Variants in CNTLN observed in about 807,000 individuals in gnomAD.
CNTLN encodes centlein, centrosomal protein.
Under a neutral mutation model 180.0 loss-of-function variants are expected in CNTLN, and 212 were observed. That is an observed-to-expected ratio of 1.18 (90% CI 1.05 to 1.32). The LOEUF is 1.32. Among genes scored for constraint, CNTLN ranks in the 40% most tolerant of loss-of-function variants. The pLI, the probability that CNTLN is intolerant of heterozygous loss-of-function variation, is 0.00. For missense variants in CNTLN, 2,095 were observed against 1,610.9 expected (o/e 1.30, Z -5.14); for synonymous variants, 722 against 563.1 (o/e 1.28, Z -3.99).
intron 2 of CNTLN, 25 bp from the exon 3 acceptor site, chr9:17,226,178 T>A: frequency 7.8e-7 from 1 of 1,285,098 alleles, no homozygotes; most frequent in Non-Finnish European, 1.1e-6. Flanking sequence ...TTATGACTAA[T>A]AAACTCTCTA....
In CNTLN at chr9:17,311,645, C is replaced by T. The variant is rs530526094; in HGVS notation, c.1341+2393C>T. 2.6e-5 allele frequency among the ~76,000 whole-genome samples: 4 copies of T among 151,744 alleles called. No individual in the cohort carries two copies. The South Asian group carries it at 8.3e-4, about 32-fold the overall frequency. ...CAACCTGGTGAAAGCCCTTCCTCTACTAGAAATACAAAAATTAGCTGGGCA... is the reference window on the plus strand; with the variant it reads ...CAACCTGGTGAAAGCCCTTCCTCTATTAGAAATACAAAAATTAGCTGGGCA... On this transcript the variant is annotated intron_variant, in intron 8 of 25. Coordinates refer to ENST00000380647, the MANE Select transcript of CNTLN (RefSeq NM_017738.4).
chr9:17,219,918 G>C (rs1824017701), intron 2 of CNTLN, among the ~76,000 whole-genome samples: 1 of 151,446 alleles, frequency 6.6e-6, no homozygotes, highest in Admixed American at 6.6e-5. Context: ...CTCTCATTAA[G>C]GTGCTACTCC....
intron 2 of CNTLN, among the ~76,000 whole-genome samples, chr9:17,211,901 A>G (rs1231141679): frequency 1.3e-5 from 2 of 152,050 alleles, no homozygotes; most frequent in African/African-American, 4.8e-5. Flanking sequence ...TTGCACATTG[A>G]TTTTGTATCC....
chr9:17,316,664 T>C (rs1819558226), intron 8 of CNTLN, among the ~76,000 whole-genome samples: 1 of 152,138 alleles, frequency 6.6e-6, no homozygotes, highest in Non-Finnish European at 1.5e-5. Flanking sequence ...TAAGGTAAGA[T>C]ATAAATCTGC....
chr9:17,239,866 T>C (rs1050005609), intron 5 of CNTLN, among the ~76,000 whole-genome samples: 6 of 152,222 alleles, frequency 3.9e-5, no homozygotes, highest in African/African-American at 1.4e-4. Context: ...TCTTGGATGT[T>C]GCAGATTTGT....
chr9:17,461,813 C>T (rs897709265), intron 19 of CNTLN, among the ~76,000 whole-genome samples: 2 of 151,434 alleles, frequency 1.3e-5, no homozygotes, highest in South Asian at 4.2e-4. Flanking sequence ...AGTATGTCAA[C>T]ACTATCTTGA....
chr9:17,373,995 C>A (rs1304719985), intron 13 of CNTLN, among the ~76,000 whole-genome samples: 1 of 152,118 alleles, frequency 6.6e-6, no homozygotes, highest in Non-Finnish European at 1.5e-5. Context: ...AATCTCAGAC[C>A]TCAAACTATG....
chr9:17,282,182 C>T (rs1414615480), intron 6 of CNTLN, among the ~76,000 whole-genome samples: 4 of 152,018 alleles, frequency 2.6e-5, no homozygotes, highest in South Asian at 2.1e-4. Context: ...AGGATGGTCT[C>T]GATCTGTTGA....
intron 23 of CNTLN, among the ~76,000 whole-genome samples, chr9:17,483,404 A>G (rs955697117): frequency 1.3e-5 from 2 of 152,202 alleles, no homozygotes; most frequent in Non-Finnish European, 2.9e-5. Context: ...GAATTAAGTA[A>G]CAGCTGTCAA....
intron 2 of CNTLN, among the ~76,000 whole-genome samples, chr9:17,146,403 A>G (rs1271976369): frequency 6.6e-6 from 1 of 152,000 alleles, no homozygotes; most frequent in Non-Finnish European, 1.5e-5. Flanking sequence ...CTATGATCTG[A>G]ATGTTGGTGT....
intron 1 of CNTLN, among the ~76,000 whole-genome samples, chr9:17,135,885 T>C (rs1817680419): frequency 6.6e-6 from 1 of 152,194 alleles, no homozygotes; most frequent in South Asian, 2.1e-4. Context: ...CTTGGCTTTG[T>C]TTTTACCCAG....
intron 15 of CNTLN, among the ~76,000 whole-genome samples, chr9:17,397,570 G>A (rs927519740): frequency 6.6e-6 from 1 of 152,130 alleles, no homozygotes; most frequent in Non-Finnish European, 1.5e-5. Context: ...TTTACTGCAG[G>A]CTGTTTCATC....
rs567414179 is a variant in CNTLN at position 17,291,151 on chromosome 9, C to T, written c.984-7039C>T. Among the ~76,000 whole-genome samples the T allele has an allele frequency of 2.2e-4, 33 of 152,194 alleles. No individual in the cohort carries two copies. The South Asian group carries it at 2.7e-3, about 12-fold the overall frequency. On this transcript the variant is annotated intron_variant, in intron 6 of 25. Coordinates refer to ENST00000380647, the MANE Select transcript of CNTLN (RefSeq NM_017738.4). ...TTTATCTTGAGTTATAATTTGATTGCGCTGTTTTCTGAGAGACTGTTATGA... is the reference window on the plus strand; with the variant it reads ...TTTATCTTGAGTTATAATTTGATTGTGCTGTTTTCTGAGAGACTGTTATGA...
At position 17,170,183 on chromosome 9, in the gene CNTLN, A is replaced by G. The variant is rs191765626; in HGVS notation, c.449+26807A>G. Among the ~76,000 whole-genome samples, 112 of 152,086 alleles carry G rather than the reference A, an allele frequency of 7.4e-4. 1 individual carries two copies. The highest frequency in any genetic ancestry group is 9.8e-4 in the Admixed American group (15 of 15,276). On this transcript the variant is annotated intron_variant, in intron 2 of 25. Coordinates refer to ENST00000380647, the MANE Select transcript of CNTLN (RefSeq NM_017738.4). ...TGTTTTATTAATTTCTTTTTCAGAG[A>G]GTATGTTTTAGTGTTATAGAAACAC...
chr9:17,444,229 A>G (rs1024896932), intron 18 of CNTLN: 2 of 152,218 alleles, frequency 1.3e-5, no homozygotes, highest in Non-Finnish European at 2.9e-5. Context: ...AGCTCTGGCC[A>G]TGCGTATTGG....
chr9:17,438,668 T>C (rs967053855), intron 18 of CNTLN, among the ~76,000 whole-genome samples: 4 of 152,214 alleles, frequency 2.6e-5, no homozygotes, highest in African/African-American at 9.6e-5. Context: ...GGTAATTTGT[T>C]AGTGAACTGG....
At chr9:17,324,044 T>C (rs541589417) in intron 8 of CNTLN, among the ~76,000 whole-genome samples, 49 of 152,322 alleles carry the variant, frequency 3.2e-4, no homozygotes, top group Non-Finnish European at 5.4e-4. Flanking sequence ...AACCACACTT[T>C]AGTGAATTCG....
Position 17,457,610 on chromosome 9 carries a change from G to A in CNTLN, c.3201G>A (p.Leu1067=), listed in dbSNP as rs1232404259. 6.4e-7 allele frequency: 1 copy of A among 1,566,990 alleles called. No individual in the cohort carries two copies. The highest frequency in any genetic ancestry group is 8.7e-7 in the Non-Finnish European group (1 of 1,154,662). ...AGTCCTCATCTGAAATCACAAGTTT[G>A]GCAGAAGAAAATTCCCAGGTAACAT... ...KLESSSEITS[L]AEENSQVTFP... The change falls in exon 19 of 26, where the codon TTG becomes TTA. Residue 1067 remains leucine, a synonymous_variant. Transcript: ENST00000380647.
chr9:17,469,999 CTAT>C (rs768932974), intron 23 of CNTLN, among the ~76,000 whole-genome samples: 2 of 151,998 alleles, frequency 1.3e-5, no homozygotes, highest in South Asian at 2.1e-4. Context: ...TCAATATCAA[CTAT>C]TATTATCAGT....
Sources: gnomAD v4.1 joint callset for allele counts (sites outside exome capture counted in the v4.1 genomes callset) on GRCh38, gnomAD v4.1.1 for gene constraint, MANE v1.5 for transcripts, NCBI Gene and HGNC (gene_info 2026-07-23, HGNC 2026-07-21) for gene names.